The following SLC6A17 variants were observed in gnomAD, a reference collection of about 807,000 sequenced individuals.
The protein encoded by SLC6A17 is sodium-dependent neutral amino acid transporter SLC6A17.
In SLC6A17, 21 loss-of-function variants were observed where a neutral mutation model predicts 64.5. The observed-to-expected ratio is 0.33, with a 90% CI of 0.23 to 0.47. SLC6A17 has a LOEUF of 0.47. Ranked by LOEUF, SLC6A17 falls within the 20% of genes least tolerant of loss-of-function variation. The pLI is 1.00. For missense variants in SLC6A17, 682 were observed against 963.2 expected, an observed-to-expected ratio of 0.71 and a Z score of 3.86; for synonymous variants, 372 against 399.5, an observed-to-expected ratio of 0.93 and a Z score of 0.82.
At chr1:110,176,082 A>C (rs150082351) in intron 5 of SLC6A17, among the ~76,000 whole-genome samples, 46 of 152,234 alleles carry the variant, frequency 3.0e-4, no homozygotes, top group Admixed American at 1.9e-3. Flanking sequence ...TTTTGTGAGC[A>C]TCTCGTGTGA....
chr1:110,173,906 G>GATAT, intron 3 of SLC6A17, 67 bp from the exon 4 acceptor site: 2 of 1,526,946 alleles, frequency 1.3e-6, no homozygotes, highest in Non-Finnish European at 1.8e-6. Flanking sequence ...CTGGGCCTCG[G>GATAT]GTGGAGCGTG....
intron 6 of SLC6A17, among the ~76,000 whole-genome samples, chr1:110,176,985 A>G (rs1377528531): frequency 6.6e-6 from 1 of 152,228 alleles, no homozygotes; most frequent in East Asian, 1.9e-4. Context: ...AACATCTGAA[A>G]GAGCCTTAGG....
At position 110,170,256 on chromosome 1, in the gene SLC6A17, G is replaced by A. The variant is rs1260438016; in HGVS notation, c.287-1804G>A. On this transcript the variant is annotated intron_variant, in intron 2 of 11. Transcript: ENST00000331565. ...TCCCAGCACTTTGGGAGGCCGAGGC[G>A]GGCGGATCACGAGGTCAGGAGATCG... 3.3e-5 allele frequency among the ~76,000 whole-genome samples: 5 copies of A among 152,158 alleles called. No individual in the cohort carries two copies. The South Asian group carries it at 6.2e-4, about 19-fold the overall frequency.
intron 10 of SLC6A17, among the ~76,000 whole-genome samples, chr1:110,196,175 G>T (rs114253028): frequency 1.3e-5 from 2 of 152,192 alleles, no homozygotes; most frequent in African/African-American, 4.8e-5. Flanking sequence ...GTTGTGCAGG[G>T]TAAGAGGATT....
chr1:110,195,696 A>G lies in SLC6A17; in HGVS notation c.1603A>G (p.Ile535Val), dbSNP rs1248019163. ...CTCGGCCACCCTGCCACTCACTCTC[A>G]TCGTCATCCTTGAGAACATCGCTGT... is the stretch of plus-strand genomic sequence containing the variant. ...DYSATLPLTLIVILENIAVAW... is the reference protein window; with the variant it reads ...DYSATLPLTLVVILENIAVAW... The change falls in exon 10 of 12, where the codon ATC becomes GTC. Residue 535 changes from isoleucine to valine, a missense_variant. By Grantham distance (29) the Ile-to-Val change is conservative. This residue lies in a region of SLC6A17 where 264 missense variants were observed against 339.5 expected (regional missense o/e 0.78). Coordinates refer to ENST00000331565, the MANE Select transcript of SLC6A17 (RefSeq NM_001010898.4). The G allele has an allele frequency of 1.2e-6, 2 of 1,614,114 alleles. No homozygotes were observed. Among genetic ancestry groups the G allele is most frequent in the East Asian group, 4.5e-5 (2 of 44,880 alleles).
intron 1 of SLC6A17, among the ~76,000 whole-genome samples, chr1:110,166,497 A>C (rs1551412): frequency 0.34 from 52,076 of 152,180 alleles, 11,016 homozygotes; most frequent in Non-Finnish European, 0.47. Context: ...GGAAGGCTGT[A>C]TGGGCCTCCA....
intron 1 of SLC6A17, among the ~76,000 whole-genome samples, chr1:110,161,196 T>G (rs1655899841): frequency 6.6e-6 from 1 of 152,192 alleles, no homozygotes; most frequent in African/African-American, 2.4e-5. Flanking sequence ...GTGTCTCTGA[T>G]AATAGTCCGG....
Position 110,199,631 on chromosome 1 carries a change from A to C in SLC6A17, c.*1187A>C. 4.1e-6 allele frequency: 1 copy of C among 245,928 alleles called. No individual in the cohort carries two copies. Among genetic ancestry groups the C allele is most frequent in the Non-Finnish European group, 7.8e-6 (1 of 128,552 alleles). 15.2% of individuals were successfully genotyped at this position (245,928 alleles called of 1,614,324 possible). On this transcript the variant is annotated 3_prime_UTR_variant, in exon 12 of 12. Transcript: ENST00000331565. The stretch of plus-strand genomic sequence containing the variant: ...CCTTTCCCAAGCCTTCCTGGCCCAC[A>C]GTGGCCAGTGCCATAGGCAGTGCTG...
At chr1:110,183,878 C>T (rs1475237689) in intron 6 of SLC6A17, among the ~76,000 whole-genome samples, 3 of 151,984 alleles carry the variant, frequency 2.0e-5, no homozygotes, top group Non-Finnish European at 4.4e-5. Context: ...ACTTGGAGGG[C>T]TAAGGAGGAG....
chr1:110,157,104 T>C (rs554351622), intron 1 of SLC6A17, among the ~76,000 whole-genome samples: 2 of 152,344 alleles, frequency 1.3e-5, no homozygotes, highest in Admixed American at 1.3e-4. Flanking sequence ...TGGTATACTC[T>C]CACAGGTCCT....
At chr1:110,196,367 CA>C (rs1656969077) in intron 10 of SLC6A17, among the ~76,000 whole-genome samples, 1 of 152,178 alleles carries the variant, frequency 6.6e-6, no homozygotes, top group South Asian at 2.1e-4. Context: ...TGGCAAGACC[CA>C]CCTCCACTAA....
chr1:110,194,209 G>A (rs2100949834), intron 8 of SLC6A17, among the ~76,000 whole-genome samples: 1 of 152,334 alleles, frequency 6.6e-6, no homozygotes, highest in East Asian at 1.9e-4. Flanking sequence ...CAGAAGTTCT[G>A]AGCTGGGAGC....
chr1:110,193,417 G>A (rs1018274524), intron 8 of SLC6A17, among the ~76,000 whole-genome samples: 1 of 152,178 alleles, frequency 6.6e-6, no homozygotes, highest in Non-Finnish European at 1.5e-5. Context: ...TTACATAGCT[G>A]GACACTTTCA....
rs772717899 is a variant in SLC6A17 at position 110,174,925 on chromosome 1, A to T, written c.718A>T (p.Met240Leu). The T allele has an allele frequency of 1.2e-6, 2 of 1,614,036 alleles. No individual in the cohort carries two copies. Among genetic ancestry groups the T allele is most frequent in the South Asian group, 1.1e-5 (1 of 91,058 alleles). The part of the protein sequence containing the change: ...CLLVAWSIVG[M>L]AVVKGIQSSG... ...CCTCGTGGCCTGGAGCATCGTGGGG[A>T]TGGCTGTCGTTAAGGGCATCCAGTC... Residue 240 changes from methionine to leucine, a missense_variant, in exon 5 of 12, where the codon ATG (methionine) becomes TTG (leucine). Physicochemically the swap from Met to Leu is conservative, Grantham distance 15. This residue lies in a region of SLC6A17 where 415 missense variants were observed against 603.8 expected (regional missense o/e 0.69). Transcript: ENST00000331565.
intron 6 of SLC6A17, among the ~76,000 whole-genome samples, chr1:110,176,952 A>G (rs1449797671): frequency 6.6e-6 from 1 of 152,220 alleles, no homozygotes; most frequent in East Asian, 1.9e-4. Context: ...GGGTGAAATT[A>G]GAAAAGGCTT....
Position 110,200,366 on chromosome 1 carries a change from G to A in SLC6A17, c.*1922G>A, listed in dbSNP as rs368686863. The A allele has an allele frequency of 6.8e-5, 24 of 350,780 alleles. No individual in the cohort carries two copies. The highest frequency in any genetic ancestry group is 4.3e-4 in the East Asian group (10 of 23,510). The allele number at this position is 350,780 out of a possible 1,614,324, so 21.7% of individuals were successfully genotyped here. A position where few individuals can be genotyped will look rare whatever the true frequency, so the allele number is the denominator to read the frequency against. The stretch of plus-strand genomic sequence containing the variant: ...AGCTTTTGGGGCACAACATCCCACC[G>A]CAGTCCCCCTCACCCGACAACACCT... On this transcript the variant is annotated 3_prime_UTR_variant, in exon 12 of 12. Transcript: ENST00000331565.
intron 6 of SLC6A17, among the ~76,000 whole-genome samples, chr1:110,178,263 G>A (rs971080864): frequency 6.6e-6 from 1 of 152,090 alleles, no homozygotes; most frequent in African/African-American, 2.4e-5. Context: ...CTTTTACAGA[G>A]GTCTCCAGAT....
At chr1:110,156,766 C>G (rs1209858661) in intron 1 of SLC6A17, among the ~76,000 whole-genome samples, 1 of 152,196 alleles carries the variant, frequency 6.6e-6, no homozygotes, top group Non-Finnish European at 1.5e-5. Context: ...AAAAGAGACA[C>G]AAACCCTTCT....
Position 110,200,018 on chromosome 1 carries a change from T to G in SLC6A17, c.*1574T>G. The stretch of plus-strand genomic sequence containing the variant: ...AAAGGAGGGAGAAAGGAGGGAATAC[T>G]GGCTCCATCTTTGAGAGCTCTGGTG... On this transcript the variant is annotated 3_prime_UTR_variant, in exon 12 of 12. Transcript: ENST00000331565. The G allele has an allele frequency of 2.5e-6, 1 of 398,234 alleles. No homozygotes were observed. Among genetic ancestry groups the G allele is most frequent in the Non-Finnish European group, 4.4e-6 (1 of 225,974 alleles). The allele number at this position is 398,234 out of a possible 1,614,324, so 24.7% of individuals were successfully genotyped here. A position where few individuals can be genotyped will look rare whatever the true frequency, so the allele number is the denominator to read the frequency against.
Sources: gnomAD v4.1 joint callset for allele counts (sites outside exome capture counted in the v4.1 genomes callset) on GRCh38, gnomAD v4.1.1 for gene constraint, gnomAD v4.1.1 regional missense constraint, MANE v1.5 for transcripts, NCBI Gene and HGNC (gene_info 2026-07-23, HGNC 2026-07-21) for gene names.